CCL28: variants seen among roughly 807,000 people sequenced by gnomAD.
CCL28 encodes C-C motif chemokine ligand 28.
In CCL28, 4 loss-of-function variants were observed where a neutral mutation model predicts 7.1. The observed-to-expected ratio is 0.56, with a 90% CI of 0.28 to 1.29. CCL28 has a LOEUF of 1.29. Ranked by LOEUF, CCL28 falls within the 50% of genes most tolerant of loss-of-function variation. CCL28 has a pLI of 0.11. For missense variants in CCL28, 151 were observed against 163.4 expected, an observed-to-expected ratio of 0.92 and a Z score of 0.41; for synonymous variants, 55 against 57.8, an observed-to-expected ratio of 0.95 and a Z score of 0.22.
chr5:43,362,222 T>C, the CCL28 span, among the ~76,000 whole-genome samples: 1 of 151,974 alleles, frequency 6.6e-6, no homozygotes, highest in African/African-American at 2.4e-5. Flanking sequence ...TCCCTTGTAT[T>C]CCCAGGTATT....
At chr5:43,364,191 A>G in the CCL28 span, among the ~76,000 whole-genome samples, 1 of 139,434 alleles carries the variant, frequency 7.2e-6, no homozygotes, top group Non-Finnish European at 1.5e-5. Flanking sequence ...TACAAACCTT[A>G]TTTTCTGATA....
At chr5:43,390,008 C>T (rs186026643) in intron 1 of CCL28, among the ~76,000 whole-genome samples, 27 of 152,302 alleles carry the variant, frequency 1.8e-4, no homozygotes, top group Non-Finnish European at 2.4e-4. Flanking sequence ...AAAAAGCCAT[C>T]AGCTACTTCC....
downstream of CCL28, among the ~76,000 whole-genome samples, chr5:43,372,261 A>G (rs557408615): frequency 2.6e-5 from 4 of 152,222 alleles, no homozygotes; most frequent in Non-Finnish European, 5.9e-5. Context: ...GTCTTGTTCT[A>G]TCAGCATTAT....
At chr5:43,357,926 G>A in the CCL28 span, among the ~76,000 whole-genome samples, 6 of 152,282 alleles carry the variant, frequency 3.9e-5, no homozygotes, top group East Asian at 5.8e-4. Context: ...GGGCCCAAGG[G>A]TATTGTCCCA....
downstream of CCL28, among the ~76,000 whole-genome samples, chr5:43,372,364 T>C (rs2111638715): frequency 6.6e-6 from 1 of 152,310 alleles, no homozygotes; most frequent in South Asian, 2.1e-4. Flanking sequence ...TATATTCTTT[T>C]TGTTTTGTTT....
chr5:43,360,245 A>G, the CCL28 span, among the ~76,000 whole-genome samples: 1 of 152,226 alleles, frequency 6.6e-6, no homozygotes, highest in Admixed American at 6.5e-5. Context: ...CGTAAAAAAA[A>G]TGAAATAATA....
At chr5:43,366,786 G>A in the CCL28 span, among the ~76,000 whole-genome samples, 2 of 152,200 alleles carry the variant, frequency 1.3e-5, no homozygotes, top group African/African-American at 4.8e-5. Context: ...AGGGAGATGG[G>A]AGTTTTATTT....
At chr5:43,384,957 C>T (rs1409315999) in intron 2 of CCL28, among the ~76,000 whole-genome samples, 1 of 150,560 alleles carries the variant, frequency 6.6e-6, no homozygotes, top group South Asian at 2.1e-4. Flanking sequence ...AGTGCAGTGG[C>T]GCGACCTTGG....
Position 43,388,434 on chromosome 5 carries a change from T to A in CCL28, c.107A>T (p.His36Leu), listed in dbSNP as rs1459543873. The A allele has an allele frequency of 6.2e-7, 1 of 1,613,900 alleles. No individual in the cohort carries two copies. The highest frequency in any genetic ancestry group is 1.3e-5 in the African/African-American group (1 of 74,882). ...IASSCCTEVS[H>L]HISRRLLERV... is the part of the protein sequence containing the mutation. ...TTCCAGGAGCCTTCTGGAAATATGA[T>A]GTGAAACCTCCGTGCAACAGCTGGA... The change falls in exon 2 of 3, where the codon CAT becomes CTT. Residue 36 changes from histidine (H) to leucine (L), a missense_variant. Physicochemically the swap from His to Leu is moderately conservative, Grantham distance 99. Transcript: ENST00000361115.
At chr5:43,395,855 CTTTTTTTTTT>C (rs35785846) in intron 1 of CCL28, among the ~76,000 whole-genome samples, 4 of 94,232 alleles carry the variant, frequency 4.2e-5, no homozygotes, top group Non-Finnish European at 6.1e-5. Flanking sequence ...TACCCCCCGC[CTTTTTTTTTT>C]TTTTTTTTTT....
intron 1 of CCL28, among the ~76,000 whole-genome samples, chr5:43,406,324 G>T (rs941693035): frequency 9.9e-5 from 15 of 152,068 alleles, no homozygotes; most frequent in African/African-American, 3.6e-4. Context: ...TCATCCCTGG[G>T]ATGCAAGGCT....
At chr5:43,394,143 C>T (rs1197314099) in intron 1 of CCL28, among the ~76,000 whole-genome samples, 1 of 152,202 alleles carries the variant, frequency 6.6e-6, no homozygotes, top group African/African-American at 2.4e-5. Flanking sequence ...TTTACACATA[C>T]ACATAGGTCT....
chr5:43,373,845 A>G (rs377677222), downstream of CCL28, among the ~76,000 whole-genome samples: 2 of 152,206 alleles, frequency 1.3e-5, no homozygotes, highest in Non-Finnish European at 2.9e-5. Context: ...CCTACTGTGC[A>G]AAGAAGGTTT....
chr5:43,385,519 G>T (rs1343367725), intron 2 of CCL28, among the ~76,000 whole-genome samples: 1 of 152,110 alleles, frequency 6.6e-6, no homozygotes, highest in Non-Finnish European at 1.5e-5. Context: ...TCAGGGATAA[G>T]GGACTACATT....
chr5:43,398,250 C>T (rs561615241), intron 1 of CCL28, among the ~76,000 whole-genome samples: 1 of 151,974 alleles, frequency 6.6e-6, no homozygotes, highest in African/African-American at 2.4e-5. Flanking sequence ...AGATCTTGCT[C>T]TGTCACCCAA....
intron 1 of CCL28, among the ~76,000 whole-genome samples, chr5:43,396,867 C>T (rs1191029701): frequency 6.6e-6 from 1 of 152,208 alleles, no homozygotes; most frequent in African/African-American, 2.4e-5. Context: ...CCAGGAGAGA[C>T]TGAAGTGGAA....
In CCL28 at chr5:43,409,840, A is replaced by T. The variant is rs536710421; in HGVS notation, c.64+2413T>A. On this transcript the variant is annotated intron_variant, in intron 1 of 2. Coordinates refer to ENST00000361115, the MANE Select transcript of CCL28 (RefSeq NM_148672.3). ...TAAATAATCAGGCTCAGGGCCACCGAAACAGGATGATAGACATGTTTATGG... is the reference window on the plus strand; with the variant it reads ...TAAATAATCAGGCTCAGGGCCACCGTAACAGGATGATAGACATGTTTATGG... Among the ~76,000 whole-genome samples, 6 of 152,234 alleles carry T rather than the reference A, an allele frequency of 3.9e-5. No individual in the cohort carries two copies. The South Asian group carries it at 1.0e-3, about 26-fold the overall frequency.
At chr5:43,408,753 A>G (rs1315491173) in intron 1 of CCL28, among the ~76,000 whole-genome samples, 1 of 152,194 alleles carries the variant, frequency 6.6e-6, no homozygotes, top group Non-Finnish European at 1.5e-5. Context: ...AGGAATGATG[A>G]AGAGGGACTT....
At chr5:43,389,703 T>G (rs1740492814) in intron 1 of CCL28, among the ~76,000 whole-genome samples, 1 of 152,174 alleles carries the variant, frequency 6.6e-6, no homozygotes, top group African/African-American at 2.4e-5. Flanking sequence ...TCTCAAATAT[T>G]AATATAAACG....
Sources: allele counts gnomAD v4.1 joint callset (sites outside exome capture counted in the v4.1 genomes callset), GRCh38; gene constraint gnomAD v4.1.1; transcripts MANE v1.5; gene names NCBI Gene and HGNC (gene_info 2026-07-23, HGNC 2026-07-21).